The following MCF2L variants were observed in gnomAD, a reference collection of about 807,000 sequenced individuals.
The protein encoded by MCF2L is MCF.2 cell line derived transforming sequence like.
Under a neutral mutation model 153.4 loss-of-function variants are expected in MCF2L, and 97 were observed. The observed-to-expected ratio is 0.63, with a 90% CI of 0.54 to 0.75. The LOEUF (loss-of-function observed/expected upper bound fraction) is 0.75. Among genes scored for constraint, MCF2L ranks in the 30% least tolerant of loss-of-function variants. The probability of loss-of-function intolerance (pLI) is 0.00; values close to 1 mark genes in which losing one functional copy is unlikely to be tolerated. For missense variants in MCF2L, 1,347 were observed against 1,495.2 expected (o/e 0.90, Z 1.64); for synonymous variants, 659 against 632.2 (o/e 1.04, Z -0.64).
chr13:113,090,116 A>G (rs964466432), intron 26 of MCF2L: 2 of 1,547,720 alleles, frequency 1.3e-6, no homozygotes, highest in African/African-American at 2.7e-5. Flanking sequence ...CTTTCCAGAA[A>G]GCGCTTTACC....
rs775658961 is a variant in MCF2L, at chr13:113,096,665, G to A, written c.3292+12G>A. Reference sequence around the variant, plus strand: ...CCTGAGCAGCTCAGGTAAGGCCCACGTGCCCCGAGCCCACCCGTGACGCTG... The same window carrying A: ...CCTGAGCAGCTCAGGTAAGGCCCACATGCCCCGAGCCCACCCGTGACGCTG... On this transcript the variant is annotated intron_variant, in intron 29 of 29. Transcript: ENST00000535094. 49 of 1,576,680 alleles carry A rather than the reference G, an allele frequency of 3.1e-5. No homozygotes were observed. The highest frequency in any genetic ancestry group is 5.4e-5 in the African/African-American group (4 of 74,250).
intron 2 of MCF2L, among the ~76,000 whole-genome samples, chr13:112,913,093 G>T (rs115167188): frequency 8.3e-4 from 124 of 148,930 alleles, no homozygotes; most frequent in African/African-American, 2.9e-3. Flanking sequence ...TGTGTGTGTG[G>T]TCTATTTCTG....
intron 2 of MCF2L, among the ~76,000 whole-genome samples, chr13:113,023,614 CT>C (rs1012527473): frequency 6.6e-6 from 1 of 152,202 alleles, no homozygotes; most frequent in Non-Finnish European, 1.5e-5. Flanking sequence ...ATTATCTGTT[CT>C]CCATAAAAAG....
At chr13:113,079,244 G>T (rs905635573) in intron 15 of MCF2L, among the ~76,000 whole-genome samples, 3 of 152,210 alleles carry the variant, frequency 2.0e-5, no homozygotes, top group Non-Finnish European at 4.4e-5. Flanking sequence ...AACAAAAGCA[G>T]TTCTCTTTCC....
chr13:113,025,996 C>T (rs12861671), intron 3 of MCF2L, among the ~76,000 whole-genome samples: 860 of 8,876 alleles, frequency 0.097, 13 homozygotes, highest in African/African-American at 0.17. Flanking sequence ...GCAGAGTCTC[C>T]GTGAGGTTTC....
rs1422450087 is a variant in MCF2L, at chr13:112,960,442, C to T, written c.170-54321C>T. Among the ~76,000 whole-genome samples, 7 of 152,246 alleles carry T rather than the reference C, an allele frequency of 4.6e-5. No individual in the cohort carries two copies. The East Asian group carries it at 1.2e-3, about 25-fold the overall frequency. On this transcript the variant is annotated intron_variant, in intron 2 of 29. Coordinates refer to the MCF2L transcript ENST00000375608. This position sits in a 1 kb window ranked among gnomAD's most constrained non-coding sequence, Gnocchi z 4.2. ...ACGACCTTTGGGGGACACATTAAAC[C>T]CCAGCAGACTGCCTTGTCCCCTGCT... is the stretch of plus-strand genomic sequence containing the variant.
intron 3 of MCF2L, chr13:113,026,950 G>T: frequency 1.3e-6 from 1 of 777,548 alleles, no homozygotes; most frequent in Admixed American, 1.7e-5. Flanking sequence ...CATCTGATGT[G>T]CTCGTCCCAG....
chr13:112,988,547 T>G (rs1344589695), intron 1 of MCF2L, among the ~76,000 whole-genome samples: 1 of 147,706 alleles, frequency 6.8e-6, no homozygotes, highest in East Asian at 2.0e-4. Context: ...GGGATGGAGC[T>G]ACCACACCCG....
In MCF2L at chr13:112,904,055, C is replaced by A. The variant is rs954962508; in HGVS notation, c.169+1684C>A. ...ATTAACTGCCCGTGGCCACTCAGAA[C>A]CTCGGACTGGTGCCTTTCCCTGAGC... is the stretch of plus-strand genomic sequence containing the variant. On this transcript the variant is annotated intron_variant, in intron 2 of 29. Coordinates refer to the MCF2L transcript ENST00000375608. The surrounding 1 kb of genome is among the most constrained non-coding windows in gnomAD (Gnocchi z 4.2). 2.0e-5 allele frequency among the ~76,000 whole-genome samples: 3 copies of A among 152,162 alleles called. No individual in the cohort carries two copies. Among genetic ancestry groups the A allele is most frequent in the African/African-American group, 7.2e-5 (3 of 41,444 alleles).
chr13:113,025,192 G>A (rs1484171146), intron 3 of MCF2L, among the ~76,000 whole-genome samples: 1 of 93,736 alleles, frequency 1.1e-5, no homozygotes, highest in African/African-American at 4.1e-5. Flanking sequence ...TCCCTGTGAG[G>A]TTTCCCCATT....
At chr13:113,083,372 G>A (rs188034890) in intron 17 of MCF2L, among the ~76,000 whole-genome samples, 146 of 152,274 alleles carry the variant, frequency 9.6e-4, no homozygotes, top group African/African-American at 3.3e-3. Flanking sequence ...GTCTGCAGTT[G>A]ACCACCAAGG....
chr13:112,901,120 G>A (rs755850013), intron 1 of MCF2L, among the ~76,000 whole-genome samples: 2 of 152,092 alleles, frequency 1.3e-5, no homozygotes, highest in Non-Finnish European at 2.9e-5. Flanking sequence ...CGTGGAAAGC[G>A]ACATCCCTGG....
rs894424994 is a variant in MCF2L, at chr13:112,904,448, A to G, written c.169+2077A>G. 2.6e-5 allele frequency among the ~76,000 whole-genome samples: 4 copies of G among 152,192 alleles called. No homozygotes were observed. In the South Asian group the frequency reaches 8.3e-4, roughly 31 times the overall value. On this transcript the variant is annotated intron_variant, in intron 2 of 29. Coordinates refer to the MCF2L transcript ENST00000375608. The surrounding 1 kb of genome is among the most constrained non-coding windows in gnomAD (Gnocchi z 4.2). ...AGTGTGGGCAGCAGTAGTAGCATCC[A>G]GGCAGCTGCTGTGAGGAGCCCAGAC...
At chr13:112,938,151 CAGGTGAGCGCTGAGGGGTTGGTT>C in intron 2 of MCF2L, among the ~76,000 whole-genome samples, 1 of 137,470 alleles carries the variant, frequency 7.3e-6, no homozygotes, top group African/African-American at 2.8e-5. Flanking sequence ...GGGGTTGGTT[CAGGTGAGCGCTGAGGGGTTGGTT>C]CAGGTGAGCG....
intron 2 of MCF2L, among the ~76,000 whole-genome samples, chr13:112,959,076 G>T (rs1429031957): frequency 6.6e-6 from 1 of 152,236 alleles, no homozygotes; most frequent in Non-Finnish European, 1.5e-5. Context: ...TAGTGGTATT[G>T]CGGATAAATG....
intron 21 of MCF2L, 106 bp downstream of exon 21, chr13:113,086,355 C>A (rs2034637354): frequency 1.3e-6 from 2 of 1,508,700 alleles, no homozygotes; most frequent in Admixed American, 4.0e-5. Flanking sequence ...TGTGAATGTG[C>A]AGGTTCTGGG....
intron 2 of MCF2L, among the ~76,000 whole-genome samples, chr13:112,959,400 C>T (rs903675398): frequency 6.6e-6 from 1 of 152,000 alleles, no homozygotes; most frequent in South Asian, 2.1e-4. Flanking sequence ...TCAGAACAAG[C>T]GCGTTCTCCT....
chr13:113,089,053 AT>A (rs1376924415), intron 25 of MCF2L, among the ~76,000 whole-genome samples: 2 of 150,584 alleles, frequency 1.3e-5, no homozygotes, highest in Non-Finnish European at 1.5e-5. Flanking sequence ...TCATCCACTT[AT>A]TTTTTTCACT....
At position 113,097,244 on chromosome 13, in the gene MCF2L, G is replaced by C. The variant is rs1414986374; in HGVS notation, c.*385G>C. 1 of 201,960 alleles carries C rather than the reference G, an allele frequency of 5.0e-6. No individual in the cohort carries two copies. The highest frequency in any genetic ancestry group is 9.9e-6 in the Non-Finnish European group (1 of 100,780). 12.5% of individuals were successfully genotyped at this position (201,960 alleles called of 1,614,324 possible). ...CTCTGGCCAACGGCCTGAGGAGAGCGGGGCACGGGGTCTCTTTAGCTTTTA... is the reference window on the plus strand; with the variant it reads ...CTCTGGCCAACGGCCTGAGGAGAGCCGGGCACGGGGTCTCTTTAGCTTTTA... On this transcript the variant is annotated 3_prime_UTR_variant, in exon 30 of 30. Coordinates refer to ENST00000535094, the MANE Select transcript of MCF2L (RefSeq NM_001112732.3).
Sources: allele counts gnomAD v4.1 joint callset (sites outside exome capture counted in the v4.1 genomes callset), GRCh38; gene constraint gnomAD v4.1.1; non-coding constraint Gnocchi (gnomAD v3.1); transcripts MANE v1.5; gene names NCBI Gene and HGNC (gene_info 2026-07-23, HGNC 2026-07-21).